PTCD3: variants seen among roughly 807,000 people sequenced by gnomAD.
PTCD3 encodes the protein small ribosomal subunit protein mS39.
A neutral mutation model predicts 101.9 loss-of-function variants in PTCD3; 89 were observed. That is an observed-to-expected ratio of 0.87 (90% CI 0.74 to 1.04). The LOEUF (loss-of-function observed/expected upper bound fraction) is 1.04, where lower values mean the gene tolerates loss of function less well. Ranked by LOEUF, PTCD3 falls within the 50% of genes least tolerant of loss-of-function variation. The pLI is 0.00. For synonymous variants in PTCD3, 296 were observed against 278.5 expected, an observed-to-expected ratio of 1.06 and a Z score of -0.63; for missense variants, 870 against 828.2, an observed-to-expected ratio of 1.05 and a Z score of -0.62.
At chr2:86,136,085 C>A in intron 21 of PTCD3, 1 of 512,172 alleles carries the variant, frequency 2.0e-6, no homozygotes, top group Admixed American at 2.0e-5. Flanking sequence ...CTGTTCTATG[C>A]CTCTTTTCCA....
Position 86,140,983 on chromosome 2 carries a change from G to A in PTCD3, c.*3424G>A, listed in dbSNP as rs1674675657. The A allele has an allele frequency of 6.6e-6, 1 of 151,726 alleles. No homozygotes were observed. Among genetic ancestry groups the A allele is most frequent in the Non-Finnish European group, 1.5e-5 (1 of 67,976 alleles). 9.4% of individuals were successfully genotyped at this position (151,726 alleles called of 1,614,324 possible). Reference sequence around the variant, plus strand: ...CAGGACTGCTGGGGATCAAGCCCAAGGATGTTTTTCAGAGCTCTGTGATTT... The same window carrying A: ...CAGGACTGCTGGGGATCAAGCCCAAAGATGTTTTTCAGAGCTCTGTGATTT... On this transcript the variant is annotated 3_prime_UTR_variant, in exon 24 of 24. Coordinates refer to ENST00000254630, the MANE Select transcript of PTCD3 (RefSeq NM_017952.6).
chr2:86,136,680 C>G (rs887021911), intron 22 of PTCD3, 118 bp downstream of exon 22: 2 of 1,186,098 alleles, frequency 1.7e-6, no homozygotes, highest in South Asian at 1.3e-5. Flanking sequence ...AGCATACCGT[C>G]AACTCCCTAC....
At chr2:86,136,208 G>A (rs1674582088) in intron 21 of PTCD3, among the ~76,000 whole-genome samples, 1 of 152,184 alleles carries the variant, frequency 6.6e-6, no homozygotes, top group Non-Finnish European at 1.5e-5. Flanking sequence ...AAGTGTATGG[G>A]GTTTTAGATT....
intron 21 of PTCD3, 160 bp downstream of exon 21, chr2:86,135,147 G>A (rs939050726): frequency 1.9e-5 from 13 of 690,940 alleles, no homozygotes; most frequent in Non-Finnish European, 3.1e-5. Context: ...GAAGAAGACA[G>A]TATGCATGAT....
rs1189561611 is a variant in PTCD3, at chr2:86,121,593, T to C, written c.653T>C (p.Leu218Ser). ...CAACAAACTGGACAGTCAGAAGCAT[T>C]GGTAATAACTGTTGGCCTTGATTTT... ...HFQQTGQSEA[L>S]EEENDETSRR... is the part of the protein sequence containing the mutation. Residue 218 changes from leucine (L) to serine (S), a missense_variant and splice_region_variant, in exon 8 of 24, where the codon TTG becomes TCG. By Grantham distance (145) the Leu-to-Ser change is moderately radical (BLOSUM62 -2). Coordinates refer to ENST00000254630, the MANE Select transcript of PTCD3 (RefSeq NM_017952.6). 2 of 1,571,348 alleles carry C rather than the reference T, an allele frequency of 1.3e-6. No homozygotes were observed. Among genetic ancestry groups the C allele is most frequent in the Non-Finnish European group, 1.7e-6 (2 of 1,158,736 alleles).
chr2:86,126,837 CAAAA>C (rs1001983868), intron 12 of PTCD3, among the ~76,000 whole-genome samples: 3 of 122,326 alleles, frequency 2.5e-5, no homozygotes, highest in African/African-American at 8.8e-5. Flanking sequence ...AACTTTGTCT[CAAAA>C]AAAAAAAAAA....
chr2:86,109,275 G>T (rs923943531), intron 3 of PTCD3, among the ~76,000 whole-genome samples: 1 of 152,054 alleles, frequency 6.6e-6, no homozygotes, highest in Admixed American at 6.6e-5. Context: ...ATGTGGTGGG[G>T]GGTCGCCTGT....
In PTCD3 at chr2:86,142,117, A is replaced by G. The variant is rs986659988; in HGVS notation, c.*4558A>G. 3.9e-5 allele frequency: 6 copies of G among 152,118 alleles called. No homozygotes were observed. Among genetic ancestry groups the G allele is most frequent in the Admixed American group, 6.5e-5 (1 of 15,270 alleles). The allele number at this position is 152,118 out of a possible 1,614,324, so 9.4% of individuals were successfully genotyped here. On this transcript the variant is annotated 3_prime_UTR_variant, in exon 24 of 24. Transcript: ENST00000254630. ...TAAGATTCAGAAGCTTGTAGTCTTC[A>G]TTATTTTGTTTTACAGGTTAAAATA... is the stretch of plus-strand genomic sequence containing the variant.
rs1472155670 is a variant in PTCD3, at chr2:86,139,761, A to G, written c.*2202A>G. 6.6e-6 allele frequency: 1 copy of G among 152,162 alleles called. No individual in the cohort carries two copies. Among genetic ancestry groups the G allele is most frequent in the Non-Finnish European group, 1.5e-5 (1 of 68,098 alleles). The allele number at this position is 152,162 out of a possible 1,614,324, so 9.4% of individuals were successfully genotyped here. ...AGGCTGCAGTAGCCATGACTGCACC[A>G]CTGCATTCCAGCCTGGTTGACAGAG... is the stretch of plus-strand genomic sequence containing the variant. On this transcript the variant is annotated 3_prime_UTR_variant, in exon 24 of 24. Transcript: ENST00000254630.
chr2:86,130,725 G>GA lies in PTCD3; in HGVS notation c.1226dup (p.Asp409GlufsTer4), dbSNP rs1192433570. The GA allele has an allele frequency of 2.5e-6, 4 of 1,613,348 alleles. No individual in the cohort carries two copies. The highest frequency in any genetic ancestry group is 3.4e-6 in the Non-Finnish European group (4 of 1,179,778). On this transcript the variant is annotated frameshift_variant, in exon 15 of 24. Coordinates refer to ENST00000254630, the MANE Select transcript of PTCD3 (RefSeq NM_017952.6). LOFTEE classifies it high-confidence loss of function. ...AATGGGAAAGAGATTTTCTCCAAAG[G>GA]ACCCGGATGATGGCATGTATAGAAA...
chr2:86,130,227 G>T (rs1674471867), intron 14 of PTCD3, among the ~76,000 whole-genome samples: 1 of 152,130 alleles, frequency 6.6e-6, no homozygotes, highest in African/African-American at 2.4e-5. Flanking sequence ...TTGAACCCGG[G>T]AGGCGGAGGT....
At chr2:86,126,205 G>A (rs898273253) in intron 12 of PTCD3, among the ~76,000 whole-genome samples, 2 of 148,898 alleles carry the variant, frequency 1.3e-5, no homozygotes, top group African/African-American at 5.0e-5. Context: ...ACTCCAGCCT[G>A]GGCAACAGAG....
chr2:86,130,812 C>G, intron 15 of PTCD3, 75 bp downstream of exon 15: 3 of 1,565,448 alleles, frequency 1.9e-6, no homozygotes, highest in Non-Finnish European at 2.6e-6. Context: ...AGTTAGAGGC[C>G]TTGTGATCCC....
chr2:86,115,605 C>G (rs1674163330), intron 4 of PTCD3, among the ~76,000 whole-genome samples: 1 of 152,170 alleles, frequency 6.6e-6, no homozygotes, highest in Non-Finnish European at 1.5e-5. Flanking sequence ...TGTGCCCCCT[C>G]CCTGAGGAGT....
At chr2:86,122,103 G>C (rs1286130237) in intron 8 of PTCD3, among the ~76,000 whole-genome samples, 2 of 152,156 alleles carry the variant, frequency 1.3e-5, no homozygotes, top group Non-Finnish European at 2.9e-5. Context: ...ATGCTCATGT[G>C]ACATTTTTCA....
intron 21 of PTCD3, chr2:86,136,054 AAG>A (rs1280964446): frequency 3.9e-6 from 2 of 518,186 alleles, no homozygotes; most frequent in Admixed American, 1.9e-5. Context: ...GCTGTACTTT[AAG>A]AGAGGGAAAC....
rs374826129 is a variant in PTCD3 at position 86,133,660 on chromosome 2, T to C, written c.1543+224T>C. Among the ~76,000 whole-genome samples, 14 of 152,324 alleles carry C rather than the reference T, an allele frequency of 9.2e-5. 1 individual carries two copies. Among genetic ancestry groups the C allele is most frequent in the African/African-American group, 3.4e-4 (14 of 41,576 alleles). The stretch of plus-strand genomic sequence containing the variant: ...AGTCAGTCCCTTCGTGACATAGGAA[T>C]GAGCTGAGTTTTGTGCACCTGTTGC... On this transcript the variant is annotated intron_variant, in intron 19 of 23. Coordinates refer to ENST00000254630, the MANE Select transcript of PTCD3 (RefSeq NM_017952.6).
chr2:86,108,700 A>G, intron 3 of PTCD3, 164 bp downstream of exon 3: 1 of 600,888 alleles, frequency 1.7e-6, no homozygotes. Flanking sequence ...CAAAAAATGG[A>G]AAGGTGGAGA....
intron 19 of PTCD3, 99 bp from the exon 20 acceptor site, chr2:86,134,191 CAG>C: frequency 2.5e-6 from 2 of 815,832 alleles, no homozygotes; most frequent in Non-Finnish European, 3.9e-6. Context: ...GAATAAATAA[CAG>C]CAACTTATTT....
Sources: allele counts gnomAD v4.1 joint callset (sites outside exome capture counted in the v4.1 genomes callset), GRCh38; gene constraint gnomAD v4.1.1; transcripts MANE v1.5; gene names NCBI Gene and HGNC (gene_info 2026-07-23, HGNC 2026-07-21).